The following RBFOX1 variants were observed in gnomAD, a reference collection of about 807,000 sequenced individuals.
RBFOX1 encodes RNA binding protein fox-1 homolog 1.
In RBFOX1, 8 loss-of-function variants were observed where a neutral mutation model predicts 57.7. The observed-to-expected ratio is 0.14, with a 90% CI of 0.08 to 0.25. RBFOX1 has a LOEUF of 0.25. RBFOX1 is among the 10% of genes least tolerant of loss of function. The pLI is 1.00. For synonymous variants in RBFOX1, 326 were observed against 222.4 expected (o/e 1.47, Z -4.15); for missense variants, 611 against 548.5 (o/e 1.11, Z -1.14).
rs41521345 is a variant in RBFOX1 at position 6,727,524 on chromosome 16, T to C, written c.-16+72874T>C. Among the ~76,000 whole-genome samples, 834 of 152,188 alleles carry C rather than the reference T, an allele frequency of 5.5e-3. 6 individuals are homozygous for C. The highest frequency in any genetic ancestry group is 0.015 in the African/African-American group (643 of 41,536). The stretch of plus-strand genomic sequence containing the variant: ...CAAATTGTACACTGATTTATTAGCG[T>C]GAGCCAGGAGTTTAATGAGGGGAGA... On this transcript the variant is annotated intron_variant, in intron 3 of 15. Transcript: ENST00000550418.
chr16:5,274,731 T>C (rs1280764459), intron 1 of RBFOX1, among the ~76,000 whole-genome samples: 1 of 152,176 alleles, frequency 6.6e-6, no homozygotes. Flanking sequence ...AGGAGCCACC[T>C]CTCAGTCCCT....
intron 3 of RBFOX1, among the ~76,000 whole-genome samples, chr16:6,730,322 C>T (rs1234756289): frequency 6.6e-6 from 1 of 152,052 alleles, no homozygotes; most frequent in Non-Finnish European, 1.5e-5. Flanking sequence ...CTCATTCTTG[C>T]CCAATTTAGA....
intron 3 of RBFOX1, among the ~76,000 whole-genome samples, chr16:7,045,522 C>G (rs577901858): frequency 6.6e-6 from 1 of 152,312 alleles, no homozygotes; most frequent in Non-Finnish European, 1.5e-5. Flanking sequence ...TGTGGTGCCA[C>G]TTCACATGGC....
chr16:5,306,525 C>G (rs1334401011), intron 1 of RBFOX1, among the ~76,000 whole-genome samples: 1 of 152,046 alleles, frequency 6.6e-6, no homozygotes, highest in Non-Finnish European at 1.5e-5. Context: ...TTACCATGAC[C>G]TTGAGCTCAT....
intron 4 of RBFOX1, among the ~76,000 whole-genome samples, chr16:7,348,223 C>G (rs2097055960): frequency 6.6e-6 from 1 of 152,158 alleles, no homozygotes; most frequent in African/African-American, 2.4e-5. Flanking sequence ...CCACAATCCG[C>G]TACCCAAAAA....
intron 2 of RBFOX1, among the ~76,000 whole-genome samples, chr16:6,466,974 C>T (rs1349940792): frequency 1.3e-5 from 2 of 151,562 alleles, no homozygotes; most frequent in East Asian, 1.9e-4. Flanking sequence ...GTATTAATTA[C>T]ACTTAATGAA....
At chr16:6,568,196 T>C (rs2097294290) in intron 2 of RBFOX1, among the ~76,000 whole-genome samples, 1 of 152,208 alleles carries the variant, frequency 6.6e-6, no homozygotes, top group Non-Finnish European at 1.5e-5. Context: ...TCATAGAGTT[T>C]CTGAGGTCCA....
At chr16:5,691,730 A>G (rs2050685694) in intron 3 of RBFOX1, among the ~76,000 whole-genome samples, 1 of 152,232 alleles carries the variant, frequency 6.6e-6, no homozygotes, top group African/African-American at 2.4e-5. Context: ...CAACTTGTAT[A>G]TCTCAAGTAG....
intron 3 of RBFOX1, among the ~76,000 whole-genome samples, chr16:5,699,055 T>G (rs1036123690): frequency 1.6e-4 from 24 of 149,156 alleles, no homozygotes; most frequent in Middle Eastern, 3.5e-3. Context: ...TGGCATGATC[T>G]CGGCTCACTG....
chr16:6,930,606 T>C (rs2076344236), intron 3 of RBFOX1, among the ~76,000 whole-genome samples: 1 of 152,048 alleles, frequency 6.6e-6, no homozygotes, highest in South Asian at 2.1e-4. Flanking sequence ...GATGGAGTTT[T>C]ACCATGTTGG....
At chr16:5,782,943 G>C (rs1455288144) in intron 3 of RBFOX1, among the ~76,000 whole-genome samples, 1 of 152,146 alleles carries the variant, frequency 6.6e-6, no homozygotes, top group Non-Finnish European at 1.5e-5. Flanking sequence ...GCCCTCCATG[G>C]ATTGGATGAC....
At chr16:5,706,432 A>C (rs547399176) in intron 3 of RBFOX1, among the ~76,000 whole-genome samples, 1 of 152,128 alleles carries the variant, frequency 6.6e-6, no homozygotes, top group East Asian at 1.9e-4. Flanking sequence ...CTGCCCTCTT[A>C]TTTCCCTGGT....
chr16:6,085,759 C>G (rs1010946941), intron 1 of RBFOX1, among the ~76,000 whole-genome samples: 1 of 152,118 alleles, frequency 6.6e-6, no homozygotes, highest in African/African-American at 2.4e-5. Flanking sequence ...GAGTTGGGTC[C>G]CTTCACCAAA....
rs137967601 is a variant in RBFOX1 at position 6,976,575 on chromosome 16, A to C, written c.-15-75482A>C. On this transcript the variant is annotated intron_variant, in intron 3 of 15. Coordinates refer to ENST00000550418, the MANE Select transcript of RBFOX1 (RefSeq NM_018723.4). Reference sequence around the variant, plus strand: ...TTTATTAGGAAAGGCAAGTGGTGAAAGAACAGCTACTTCATAGACAGAGTA... The same window carrying C: ...TTTATTAGGAAAGGCAAGTGGTGAACGAACAGCTACTTCATAGACAGAGTA... Among the ~76,000 whole-genome samples the C allele has an allele frequency of 2.9e-3, 437 of 152,066 alleles. 1 individual carries two copies. The highest frequency in any genetic ancestry group is 0.01 in the African/African-American group (419 of 41,472).
At chr16:6,453,972 G>A (rs1001334844) in intron 2 of RBFOX1, among the ~76,000 whole-genome samples, 6 of 152,196 alleles carry the variant, frequency 3.9e-5, no homozygotes, top group East Asian at 1.9e-4. Flanking sequence ...AATCCAAGGC[G>A]TTGGCATGGT....
At chr16:7,043,930 A>G (rs554518282) in intron 3 of RBFOX1, among the ~76,000 whole-genome samples, 38 of 152,324 alleles carry the variant, frequency 2.5e-4, no homozygotes, top group African/African-American at 8.4e-4. Context: ...AAGACAAAAC[A>G]AAAACAAACA....
At chr16:7,010,973 C>G (rs986808020) in intron 3 of RBFOX1, among the ~76,000 whole-genome samples, 4 of 152,180 alleles carry the variant, frequency 2.6e-5, no homozygotes, top group African/African-American at 7.2e-5. Flanking sequence ...AAATTAACTA[C>G]TTAGGCTGTT....
intron 3 of RBFOX1, among the ~76,000 whole-genome samples, chr16:6,729,191 A>C (rs534728987): frequency 5.7e-4 from 86 of 152,208 alleles, no homozygotes; most frequent in African/African-American, 2.0e-3. Flanking sequence ...AAATAGACTT[A>C]CCTGGGAGAT....
intron 2 of RBFOX1, among the ~76,000 whole-genome samples, chr16:6,426,890 G>T (rs974886408): frequency 5.3e-5 from 8 of 152,280 alleles, no homozygotes; most frequent in Non-Finnish European, 8.8e-5. Flanking sequence ...GCATTTGGGG[G>T]TCACGCTGTC....
Sources: allele counts gnomAD v4.1 joint callset (sites outside exome capture counted in the v4.1 genomes callset), GRCh38; gene constraint gnomAD v4.1.1; transcripts MANE v1.5; gene names NCBI Gene and HGNC (gene_info 2026-07-23, HGNC 2026-07-21).